Variants in MTUS2 observed in about 807,000 individuals in gnomAD.
The protein encoded by MTUS2 is microtubule-associated tumor suppressor candidate 2.
MTUS2 carries 40 observed loss-of-function variants against 114.1 expected under a neutral mutation model. That is an observed-to-expected ratio of 0.35 (90% CI 0.27 to 0.46). The LOEUF is 0.46. MTUS2 is among the 20% of genes least tolerant of loss of function. The pLI is 1.00. For missense variants in MTUS2, 1,679 were observed against 1,705.4 expected, an observed-to-expected ratio of 0.98 and a Z score of 0.27; for synonymous variants, 688 against 672.0, an observed-to-expected ratio of 1.02 and a Z score of -0.37.
chr13:28,949,767 G>T (rs1165615363), intron 2 of MTUS2, among the ~76,000 whole-genome samples: 1 of 152,196 alleles, frequency 6.6e-6, no homozygotes, highest in African/African-American at 2.4e-5. Flanking sequence ...GTTCATCCAT[G>T]TTATAGAATG....
rs537436360 is a variant in MTUS2, at chr13:29,122,864, C to G, written c.2644+21894C>G. ...CTCTCTCCTTCAATCCTTTTAAACT[C>G]TGTCAGAAAAATAGATCATTCCAGG... On this transcript the variant is annotated intron_variant, in intron 5 of 15. Transcript: ENST00000612955. Among the ~76,000 whole-genome samples the G allele has an allele frequency of 1.8e-3, 276 of 152,338 alleles. 1 individual carries two copies. The highest frequency in any genetic ancestry group is 6.2e-3 in the African/African-American group (259 of 41,574).
intron 4 of MTUS2, chr13:29,071,888 G>C (rs534432685): frequency 8.5e-5 from 13 of 152,318 alleles, no homozygotes; most frequent in African/African-American, 3.1e-4. Context: ...GTGGGAGTAA[G>C]AGGAAAATGT....
intron 8 of MTUS2, among the ~76,000 whole-genome samples, chr13:29,392,065 T>C (rs1262981419): frequency 7.1e-6 from 1 of 141,070 alleles, no homozygotes; most frequent in Non-Finnish European, 1.5e-5. Flanking sequence ...GAGGTGGAGG[T>C]TGCAGTGAGC....
intron 4 of MTUS2, among the ~76,000 whole-genome samples, chr13:29,039,205 C>T (rs1421268048): frequency 6.6e-6 from 1 of 152,196 alleles, no homozygotes; most frequent in Admixed American, 6.5e-5. Context: ...GGGCTCGGGG[C>T]AGCACCCTGG....
intron 5 of MTUS2, among the ~76,000 whole-genome samples, chr13:29,166,207 A>G (rs1409722855): frequency 6.6e-6 from 1 of 152,228 alleles, no homozygotes; most frequent in Non-Finnish European, 1.5e-5. Context: ...AAGATTTTAC[A>G]TGTATAATAT....
chr13:29,290,269 C>G (rs542744633), intron 6 of MTUS2, among the ~76,000 whole-genome samples: 2 of 152,232 alleles, frequency 1.3e-5, no homozygotes, highest in South Asian at 4.2e-4. Flanking sequence ...GTCCTGAAAA[C>G]AGGCTGCATC....
At chr13:29,338,445 C>G (rs1901199160) in intron 7 of MTUS2, among the ~76,000 whole-genome samples, 1 of 151,772 alleles carries the variant, frequency 6.6e-6, no homozygotes, top group Non-Finnish European at 1.5e-5. Context: ...AAAAAATTAG[C>G]TGGGCGTGGC....
chr13:29,131,480 C>T (rs1207490214), intron 5 of MTUS2, among the ~76,000 whole-genome samples: 1 of 152,234 alleles, frequency 6.6e-6, no homozygotes, highest in African/African-American at 2.4e-5. Context: ...AGGTGGGGGC[C>T]ATTGAGGCCC....
At chr13:28,992,125 C>A (rs1483491361) in intron 2 of MTUS2, among the ~76,000 whole-genome samples, 1 of 152,202 alleles carries the variant, frequency 6.6e-6, no homozygotes, top group Non-Finnish European at 1.5e-5. Flanking sequence ...CACAGTGACA[C>A]CTCTTCTGGC....
chr13:29,244,955 CAAAAAAAAAAAA>C (rs56095961), intron 5 of MTUS2, among the ~76,000 whole-genome samples: 2 of 60,522 alleles, frequency 3.3e-5, no homozygotes, highest in African/African-American at 7.6e-5. Flanking sequence ...GACTCCGTCT[CAAAAAAAAAAAA>C]AAAAAAAAAA....
chr13:28,837,983 G>A (rs1480009852), intron 1 of MTUS2, among the ~76,000 whole-genome samples: 15 of 149,146 alleles, frequency 1.0e-4, no homozygotes, highest in Non-Finnish European at 1.9e-4. Flanking sequence ...CAAAATGACA[G>A]GTTTCATCTA....
At chr13:29,002,861 T>C (rs1304747778) in intron 2 of MTUS2, among the ~76,000 whole-genome samples, 1 of 152,224 alleles carries the variant, frequency 6.6e-6, no homozygotes, top group Admixed American at 6.5e-5. Context: ...CTTCAGTTGC[T>C]AGAAAATCAG....
chr13:29,428,782 T>C (rs1876764400), intron 8 of MTUS2: 1 of 1,611,982 alleles, frequency 6.2e-7, no homozygotes, highest in Non-Finnish European at 8.5e-7. Flanking sequence ...GTACCTCGGC[T>C]TAGGAGTTGC....
At chr13:29,419,073 C>A (rs1875886927) in intron 8 of MTUS2, among the ~76,000 whole-genome samples, 1 of 152,216 alleles carries the variant, frequency 6.6e-6, no homozygotes, top group South Asian at 2.1e-4. Flanking sequence ...GTTTCTTTCA[C>A]CGTTATTCCA....
intron 5 of MTUS2, among the ~76,000 whole-genome samples, chr13:29,150,961 A>C (rs563504126): frequency 1.3e-5 from 2 of 152,266 alleles, no homozygotes; most frequent in African/African-American, 4.8e-5. Context: ...GTATAGTTTG[A>C]AGTCAGGTAG....
Position 29,100,048 on chromosome 13 carries a change from A to G in MTUS2, c.2447-725A>G, listed in dbSNP as rs566587176. 3.9e-5 allele frequency among the ~76,000 whole-genome samples: 6 copies of G among 152,346 alleles called. No individual in the cohort carries two copies. In the South Asian group the frequency reaches 1.0e-3, roughly 26 times the overall value. On this transcript the variant is annotated intron_variant, in intron 4 of 15. Transcript: ENST00000612955. ...AGATAGTGTAAAAAGGAGAAAAGAA[A>G]TCTAACATCAGTTTGAGCACATATC...
At chr13:29,211,488 A>G (rs1315618885) in intron 5 of MTUS2, among the ~76,000 whole-genome samples, 35 of 152,318 alleles carry the variant, frequency 2.3e-4, no homozygotes, top group African/African-American at 8.4e-4. Context: ...AAACTGCACA[A>G]ATTGTTTCAA....
At chr13:29,281,149 G>A (rs773922664) in intron 5 of MTUS2, among the ~76,000 whole-genome samples, 3 of 152,070 alleles carry the variant, frequency 2.0e-5, no homozygotes, top group Admixed American at 6.5e-5. Context: ...AGATTCTCTC[G>A]TCCCCATGCT....
chr13:29,497,600 TATG>T (rs1882635542), intron 13 of MTUS2: 1 of 505,516 alleles, frequency 2.0e-6, no homozygotes, highest in Non-Finnish European at 3.6e-6. Flanking sequence ...GTGGGGCTCC[TATG>T]ATAAGCATGG....
Sources: allele counts gnomAD v4.1 joint callset (sites outside exome capture counted in the v4.1 genomes callset), GRCh38; gene constraint gnomAD v4.1.1; transcripts MANE v1.5; gene names NCBI Gene and HGNC (gene_info 2026-07-23, HGNC 2026-07-21).